The following GALNTL5 variants were observed in gnomAD, a reference collection of about 807,000 sequenced individuals.
The protein encoded by GALNTL5 is inactive polypeptide N-acetylgalactosaminyltransferase-like protein 5.
GALNTL5 carries 44 observed loss-of-function variants against 51.0 expected under a neutral mutation model. The observed-to-expected ratio is 0.86, with a 90% confidence interval of 0.68 to 1.11. GALNTL5 has a LOEUF of 1.11. Ranked by LOEUF, GALNTL5 falls within the 50% of genes least tolerant of loss-of-function variation. The probability of loss-of-function intolerance (pLI) is 0.00; values close to 1 mark genes in which losing one functional copy is unlikely to be tolerated. For synonymous variants in GALNTL5, 192 were observed against 182.8 expected (o/e 1.05, Z -0.41); for missense variants, 528 against 531.8 (o/e 0.99, Z 0.07).
At chr7:151,976,330 T>C (rs942973519) in intron 3 of GALNTL5, among the ~76,000 whole-genome samples, 2 of 152,170 alleles carry the variant, frequency 1.3e-5, no homozygotes, top group African/African-American at 2.4e-5. Flanking sequence ...AATATAATAT[T>C]GTTATATCTT....
intron 7 of GALNTL5, among the ~76,000 whole-genome samples, chr7:152,010,136 C>T (rs1044802776): frequency 4.7e-5 from 7 of 150,038 alleles, no homozygotes; most frequent in African/African-American, 1.2e-4. Flanking sequence ...TTTTTTGAGA[C>T]GGAGTCTTGC....
chr7:152,000,143 C>T (rs538810179), intron 5 of GALNTL5, among the ~76,000 whole-genome samples: 55 of 152,272 alleles, frequency 3.6e-4, no homozygotes, highest in Non-Finnish European at 1.5e-4. Flanking sequence ...AGACTGTGAC[C>T]AGCTGTAGAA....
rs768145342 is a variant in GALNTL5 at position 151,956,552 on chromosome 7, T to G, written c.-97T>G. Reference sequence around the variant, plus strand: ...GGCACAGACCCCTGCCTCATTCAGCTGTGACTCTGCTTGGAAAATTCATCA... The same window carrying G: ...GGCACAGACCCCTGCCTCATTCAGCGGTGACTCTGCTTGGAAAATTCATCA... On this transcript the variant is annotated 5_prime_UTR_variant, in exon 1 of 9. Coordinates refer to ENST00000392800, the MANE Select transcript of GALNTL5 (RefSeq NM_145292.4). The G allele has an allele frequency of 1.3e-4, 20 of 152,206 alleles. No homozygotes were observed. Among genetic ancestry groups the G allele is most frequent in the Admixed American group, 3.3e-4 (5 of 15,294 alleles). 9.4% of individuals were successfully genotyped at this position (152,206 alleles called of 1,614,324 possible). A position where few individuals can be genotyped will look rare whatever the true frequency, so the allele number is the denominator to read the frequency against.
intron 5 of GALNTL5, among the ~76,000 whole-genome samples, chr7:151,988,546 A>G (rs2081389298): frequency 6.6e-6 from 1 of 152,148 alleles, no homozygotes; most frequent in South Asian, 2.1e-4. Context: ...CGGTGGACAC[A>G]TTCTCTTATT....
chr7:151,971,381 C>A (rs1385800690), intron 3 of GALNTL5, among the ~76,000 whole-genome samples: 1 of 152,128 alleles, frequency 6.6e-6, no homozygotes. Flanking sequence ...GCATTCATTC[C>A]TGATAGAAAA....
intron 7 of GALNTL5, among the ~76,000 whole-genome samples, chr7:152,013,985 C>T (rs576811248): frequency 1.3e-5 from 2 of 152,322 alleles, no homozygotes; most frequent in Admixed American, 1.3e-4. Flanking sequence ...TGAATTCAGT[C>T]ATGATCAGCA....
chr7:152,007,089 G>T (rs1056135914), intron 6 of GALNTL5, among the ~76,000 whole-genome samples: 1 of 151,998 alleles, frequency 6.6e-6, no homozygotes, highest in African/African-American at 2.4e-5. Flanking sequence ...AAACTACTTA[G>T]TTTGGTATTA....
chr7:151,971,119 A>ATAGATAGG, intron 3 of GALNTL5, 54 bp downstream of exon 3: 1 of 1,285,576 alleles, frequency 7.8e-7, no homozygotes, highest in Non-Finnish European at 1.1e-6. Context: ...AGATAGATAG[A>ATAGATAGG]TAGATAGATA....
chr7:151,992,673 A>G (rs1378738629), intron 5 of GALNTL5, among the ~76,000 whole-genome samples: 1 of 152,198 alleles, frequency 6.6e-6, no homozygotes, highest in African/African-American at 2.4e-5. Flanking sequence ...CTGTTTCCAG[A>G]TAAAGACACA....
At chr7:151,984,001 G>GTA (rs1453675263) in intron 4 of GALNTL5, 1 of 152,282 alleles carries the variant, frequency 6.6e-6, no homozygotes, top group African/African-American at 2.4e-5. Context: ...GATCCCTCGA[G>GTA]CTCAGGAGCT....
intron 7 of GALNTL5, among the ~76,000 whole-genome samples, chr7:152,008,176 G>A (rs1467091572): frequency 6.6e-6 from 1 of 151,820 alleles, no homozygotes; most frequent in South Asian, 2.1e-4. Context: ...CACTTTGGGA[G>A]GCTGAGGCAA....
chr7:151,986,737 T>C (rs1023991542), intron 4 of GALNTL5, among the ~76,000 whole-genome samples: 7 of 151,886 alleles, frequency 4.6e-5, no homozygotes, highest in Admixed American at 3.9e-4. Flanking sequence ...CTTTTTTTTT[T>C]TTTTTTTGAG....
In GALNTL5 at chr7:152,016,880, C is replaced by A. The variant is rs1586860024; in HGVS notation, c.1176+2087C>A. Among the ~76,000 whole-genome samples, 6 of 150,540 alleles carry A rather than the reference C, an allele frequency of 4.0e-5. 1 individual carries two copies. Among genetic ancestry groups the A allele is most frequent in the Admixed American group, 4.0e-4 (6 of 15,116 alleles). ...TGAAACCTCATCTCTACTAAAAATA[C>A]AAAAAAAATTAGCCGGGCATGGTGG... On this transcript the variant is annotated intron_variant, in intron 8 of 8. Transcript: ENST00000392800.
intron 1 of GALNTL5, among the ~76,000 whole-genome samples, chr7:151,961,154 C>T (rs1200697991): frequency 6.6e-6 from 1 of 152,140 alleles, no homozygotes; most frequent in Non-Finnish European, 1.5e-5. Flanking sequence ...ATCATGCCAA[C>T]TGCACTCCAG....
chr7:151,996,310 A>T (rs1232522130), intron 5 of GALNTL5, among the ~76,000 whole-genome samples: 1 of 151,896 alleles, frequency 6.6e-6, no homozygotes, highest in African/African-American at 2.4e-5. Context: ...TGCACCCATT[A>T]ACTCATCATT....
At chr7:151,981,758 C>A (rs1355441486) in intron 3 of GALNTL5, among the ~76,000 whole-genome samples, 1 of 146,978 alleles carries the variant, frequency 6.8e-6, no homozygotes, top group Non-Finnish European at 1.5e-5. Flanking sequence ...AAAATATTCT[C>A]TGCCTTAGCC....
intron 5 of GALNTL5, among the ~76,000 whole-genome samples, chr7:151,991,383 G>A (rs749158322): frequency 2.4e-4 from 36 of 152,164 alleles, no homozygotes; most frequent in Non-Finnish European, 3.5e-4. Context: ...GAGCCACTGC[G>A]CACGGCCTGA....
chr7:151,993,041 T>C (rs13223037), intron 5 of GALNTL5, among the ~76,000 whole-genome samples: 148,834 of 152,092 alleles, frequency 0.98, 72,886 homozygotes, highest in East Asian at 1. Flanking sequence ...AGTTCGAGAC[T>C]GGTCTGACCA....
chr7:151,967,318 C>G lies in GALNTL5; in HGVS notation c.72C>G (p.Phe24Leu). ...TTGGGATCTGGACAGCTCTGTTATT[C>G]ATATATTTGCACCATAATCATGTGA... ...LTFGIWTALL[F>L]IYLHHNHVSS... Residue 24 changes from phenylalanine to leucine, a missense_variant, in exon 2 of 9, where the codon TTC becomes TTG. Phe to Leu is a conservative substitution (Grantham distance 22). Transcript: ENST00000392800. The G allele has an allele frequency of 6.2e-7, 1 of 1,614,022 alleles. No individual in the cohort carries two copies. Among genetic ancestry groups the G allele is most frequent in the Non-Finnish European group, 8.5e-7 (1 of 1,179,922 alleles).
Sources: gnomAD v4.1 joint callset for allele counts (sites outside exome capture counted in the v4.1 genomes callset) on GRCh38, gnomAD v4.1.1 for gene constraint, MANE v1.5 for transcripts, NCBI Gene and HGNC (gene_info 2026-07-23, HGNC 2026-07-21) for gene names.